SRRM4: variants seen among roughly 807,000 people sequenced by gnomAD.
SRRM4 encodes the protein serine/arginine repetitive matrix protein 4.
Under a neutral mutation model 68.9 loss-of-function variants are expected in SRRM4, and 33 were observed. That is an observed-to-expected ratio of 0.48 (90% CI 0.36 to 0.64). SRRM4 has a LOEUF of 0.64. SRRM4 is among the 30% of genes least tolerant of loss of function. The probability of loss-of-function intolerance (pLI) is 0.00; values close to 1 mark genes in which losing one functional copy is unlikely to be tolerated. For missense variants in SRRM4, 817 were observed against 827.1 expected, an observed-to-expected ratio of 0.99 and a Z score of 0.15; for synonymous variants, 318 against 318.8, an observed-to-expected ratio of 1.00 and a Z score of 0.03.
chr12:119,010,245 G>A (rs1953440871), intron 1 of SRRM4, among the ~76,000 whole-genome samples: 1 of 152,140 alleles, frequency 6.6e-6, no homozygotes, highest in Admixed American at 6.5e-5. Context: ...TAGAGACGGG[G>A]TTTCGCCATG....
intron 1 of SRRM4, among the ~76,000 whole-genome samples, chr12:119,004,741 G>T (rs1306494570): frequency 6.6e-6 from 1 of 152,080 alleles, no homozygotes; most frequent in Non-Finnish European, 1.5e-5. Context: ...ACTCAGAAAA[G>T]AGGACAAGCA....
rs929768288 is a variant in SRRM4, at chr12:119,159,858, G to A, written c.*3060G>A. On this transcript the variant is annotated 3_prime_UTR_variant, in exon 13 of 13. Coordinates refer to ENST00000267260, the MANE Select transcript of SRRM4 (RefSeq NM_194286.4). Reference sequence around the variant, plus strand: ...TCTCTTGCTGTTTCATCAGGGGAAAGCACAAAGCTATTTCTGAAATTAGGA... The same window carrying A: ...TCTCTTGCTGTTTCATCAGGGGAAAACACAAAGCTATTTCTGAAATTAGGA... 2 of 149,540 alleles carry A rather than the reference G, an allele frequency of 1.3e-5. No individual in the cohort carries two copies. Among genetic ancestry groups the A allele is most frequent in the Admixed American group, 6.7e-5 (1 of 14,946 alleles). The allele number at this position is 149,540 out of a possible 1,614,324, so 9.3% of individuals were successfully genotyped here.
intron 1 of SRRM4, among the ~76,000 whole-genome samples, chr12:119,097,333 C>T (rs550588080): frequency 5.3e-5 from 8 of 152,336 alleles, no homozygotes; most frequent in African/African-American, 1.7e-4. Context: ...TTTACTTGTA[C>T]CTCTGCTTCT....
intron 9 of SRRM4, among the ~76,000 whole-genome samples, chr12:119,147,591 G>A (rs1954412150): frequency 6.6e-6 from 1 of 152,194 alleles, no homozygotes; most frequent in African/African-American, 2.4e-5. Flanking sequence ...AGCTCCCTGT[G>A]CTTTCCATTC....
At chr12:119,001,275 A>G (rs1337878514) in intron 1 of SRRM4, 1 of 152,172 alleles carries the variant, frequency 6.6e-6, no homozygotes, top group East Asian at 1.9e-4. Flanking sequence ...CCTACTCTTG[A>G]CTGTCTCTGC....
rs533397345 is a variant in SRRM4, at chr12:119,017,484, G to A, written c.131+35471G>A. On this transcript the variant is annotated intron_variant, in intron 1 of 12. Coordinates refer to ENST00000267260, the MANE Select transcript of SRRM4 (RefSeq NM_194286.4). ...GCTGAAGACTCAGCATATACTAAGC[G>A]GGCAGATGGCTGCTGCATTCCCTGG... Among the ~76,000 whole-genome samples the A allele has an allele frequency of 7.2e-5, 11 of 152,308 alleles. No homozygotes were observed. In the East Asian group the frequency reaches 1.5e-3, roughly 21 times the overall value.
At chr12:119,005,650 C>T (rs1170142609) in intron 1 of SRRM4, among the ~76,000 whole-genome samples, 1 of 152,200 alleles carries the variant, frequency 6.6e-6, no homozygotes, top group African/African-American at 2.4e-5. Context: ...ACGGTGAAAC[C>T]TACCTCATCC....
rs116986093 is a variant in SRRM4 at position 119,028,096 on chromosome 12, C to T, written c.131+46083C>T. Among the ~76,000 whole-genome samples, 99 of 152,358 alleles carry T rather than the reference C, an allele frequency of 6.5e-4. No individual in the cohort carries two copies. The East Asian group carries it at 0.016, about 25-fold the overall frequency. On this transcript the variant is annotated intron_variant, in intron 1 of 12. Transcript: ENST00000267260. The stretch of plus-strand genomic sequence containing the variant: ...AAGCACAGATTGCTGGGCACCACCC[C>T]TAGACTTTCCAGCAGATTTGGGGTG...
chr12:119,117,738 C>G (rs1954190162), intron 4 of SRRM4, among the ~76,000 whole-genome samples: 1 of 152,030 alleles, frequency 6.6e-6, no homozygotes, highest in Non-Finnish European at 1.5e-5. Flanking sequence ...ATGGTGAAAC[C>G]CAGTCTCTAC....
intron 8 of SRRM4, among the ~76,000 whole-genome samples, chr12:119,133,875 C>T (rs1437219410): frequency 5.9e-5 from 9 of 152,122 alleles, no homozygotes; most frequent in Non-Finnish European, 1.0e-4. Context: ...AAAGGCAATG[C>T]ACAACAATTG....
intron 1 of SRRM4, among the ~76,000 whole-genome samples, chr12:119,100,347 G>GGGTGT (rs1370433534): frequency 1.4e-5 from 1 of 73,182 alleles, no homozygotes; most frequent in Non-Finnish European, 2.9e-5. Context: ...AAAAAAATCT[G>GGGTGT]GGTGTGGTGG....
At chr12:119,139,624 G>C (rs1012023401) in intron 8 of SRRM4, among the ~76,000 whole-genome samples, 1 of 152,254 alleles carries the variant, frequency 6.6e-6, no homozygotes, top group South Asian at 2.1e-4. Context: ...TAGGCCAGAT[G>C]GAGTAAGACG....
intron 1 of SRRM4, among the ~76,000 whole-genome samples, chr12:119,087,745 A>G (rs1034133755): frequency 6.6e-6 from 1 of 152,134 alleles, no homozygotes; most frequent in African/African-American, 2.4e-5. Context: ...CAGTGGAAAG[A>G]GACATAATTA....
At chr12:119,047,917 A>G (rs1156425809) in intron 1 of SRRM4, among the ~76,000 whole-genome samples, 1 of 152,232 alleles carries the variant, frequency 6.6e-6, no homozygotes, top group Non-Finnish European at 1.5e-5. Context: ...GACACATGAC[A>G]AGGAAGCAGA....
chr12:119,050,929 T>G (rs970732414), intron 1 of SRRM4, among the ~76,000 whole-genome samples: 1 of 152,206 alleles, frequency 6.6e-6, no homozygotes, highest in African/African-American at 2.4e-5. Flanking sequence ...AAGTGCTCAG[T>G]AGCCACCTGT....
intron 4 of SRRM4, among the ~76,000 whole-genome samples, chr12:119,118,067 G>A (rs768714322): frequency 6.6e-6 from 1 of 152,168 alleles, no homozygotes; most frequent in Non-Finnish European, 1.5e-5. Flanking sequence ...TGTCTTCTCT[G>A]GGCCTATTTT....
intron 8 of SRRM4, among the ~76,000 whole-genome samples, chr12:119,141,019 G>C (rs1954361859): frequency 6.6e-6 from 1 of 152,160 alleles, no homozygotes; most frequent in African/African-American, 2.4e-5. Flanking sequence ...TTGGTTCACT[G>C]TAGCCTCCAC....
At position 119,130,796 on chromosome 12, in the gene SRRM4, C is replaced by T. The variant is rs770735386; in HGVS notation, c.733C>T (p.Pro245Ser). 3.7e-6 allele frequency: 6 copies of T among 1,608,188 alleles called. No homozygotes were observed. Among genetic ancestry groups the T allele is most frequent in the Non-Finnish European group, 5.1e-6 (6 of 1,179,774 alleles). Reference sequence around the variant, plus strand: ...CCAGTCCAGTCGCCCGCCCAGTCAACCCCTCCAGATGCTTGGCTACCTGTC... The same window carrying T: ...CCAGTCCAGTCGCCCGCCCAGTCAATCCCTCCAGATGCTTGGCTACCTGTC... ...EAQSSRPPSQPLQMLGYLSAR... is the reference protein window; with the variant it reads ...EAQSSRPPSQSLQMLGYLSAR... The change falls in exon 8 of 13, where the codon CCC becomes TCC. Residue 245 changes from proline (P) to serine (S), a missense_variant. Pro to Ser is a moderately conservative substitution (Grantham distance 74). Transcript: ENST00000267260.
chr12:119,031,845 G>A (rs992627795), intron 1 of SRRM4, among the ~76,000 whole-genome samples: 1 of 151,444 alleles, frequency 6.6e-6, no homozygotes, highest in Non-Finnish European at 1.5e-5. Context: ...TTAACCATTT[G>A]TCTTTAATGC....
Sources: gnomAD v4.1 joint callset for allele counts (sites outside exome capture counted in the v4.1 genomes callset) on GRCh38, gnomAD v4.1.1 for gene constraint, MANE v1.5 for transcripts, NCBI Gene and HGNC (gene_info 2026-07-23, HGNC 2026-07-21) for gene names.